NTNG1: variants seen among roughly 807,000 people sequenced by gnomAD.
The protein encoded by NTNG1 is netrin-G1.
Under a neutral mutation model 54.0 loss-of-function variants are expected in NTNG1, and 16 were observed. The ratio of observed to expected loss-of-function variants is 0.30; its 90% CI spans 0.20 to 0.45. The LOEUF is 0.45. Among genes scored for constraint, NTNG1 ranks in the 20% least tolerant of loss-of-function variants. The pLI, the probability that NTNG1 is intolerant of heterozygous loss-of-function variation, is 1.00. For synonymous variants in NTNG1, 255 were observed against 263.1 expected (o/e 0.97, Z 0.30); for missense variants, 530 against 678.7 (o/e 0.78, Z 2.43).
chr1:107,438,337 C>T (rs1433165032), intron 7 of NTNG1, among the ~76,000 whole-genome samples: 1 of 152,182 alleles, frequency 6.6e-6, no homozygotes, highest in Non-Finnish European at 1.5e-5. Flanking sequence ...TCAGGCCTCA[C>T]ACCTGTATAT....
At chr1:107,164,845 A>G (rs954263884) in intron 2 of NTNG1, among the ~76,000 whole-genome samples, 3 of 152,218 alleles carry the variant, frequency 2.0e-5, no homozygotes, top group African/African-American at 7.2e-5. Context: ...TTTTACTTCT[A>G]TAGAAGGGTG....
intron 2 of NTNG1, among the ~76,000 whole-genome samples, chr1:107,196,731 G>T (rs1658362703): frequency 6.6e-6 from 1 of 151,950 alleles, no homozygotes; most frequent in Non-Finnish European, 1.5e-5. Flanking sequence ...AACTAAGTAT[G>T]TTGGGTAGAA....
chr1:107,353,573 C>G (rs1192068698), intron 3 of NTNG1, among the ~76,000 whole-genome samples: 2 of 152,112 alleles, frequency 1.3e-5, no homozygotes, highest in African/African-American at 4.8e-5. Flanking sequence ...TCCAAACTTT[C>G]CCTCATCTTC....
chr1:107,455,781 T>C (rs1244657752), intron 7 of NTNG1, among the ~76,000 whole-genome samples: 1 of 152,206 alleles, frequency 6.6e-6, no homozygotes, highest in African/African-American at 2.4e-5. Context: ...AGGCTGCCTC[T>C]GTTGCCCCGG....
chr1:107,415,166 A>C (rs923413743), intron 5 of NTNG1, among the ~76,000 whole-genome samples: 4 of 152,158 alleles, frequency 2.6e-5, no homozygotes, highest in African/African-American at 9.7e-5. Context: ...CTTAAGAAGA[A>C]GTGATTTCCA....
chr1:107,186,161 C>T (rs1026491409), intron 2 of NTNG1, among the ~76,000 whole-genome samples: 5 of 152,148 alleles, frequency 3.3e-5, no homozygotes, highest in African/African-American at 1.2e-4. Flanking sequence ...ATAATGGCCT[C>T]CAGTTCCATC....
chr1:107,210,788 C>G (rs1378178917), intron 2 of NTNG1, among the ~76,000 whole-genome samples: 1 of 152,134 alleles, frequency 6.6e-6, no homozygotes, highest in Non-Finnish European at 1.5e-5. Context: ...TTTGGCCTCC[C>G]TGTGCCTCTT....
At position 107,368,438 on chromosome 1, in the gene NTNG1, G is replaced by A. The variant is rs536772343; in HGVS notation, c.888-26716G>A. On this transcript the variant is annotated intron_variant, in intron 3 of 7. Transcript: ENST00000370068. ...TTGCTTTCCTCATTTTACAGATAGG[G>A]AAACTGAGAAGGAGAGAAGTTGACT... 5.3e-5 allele frequency among the ~76,000 whole-genome samples: 8 copies of A among 152,210 alleles called. No individual in the cohort carries two copies. The South Asian group carries it at 1.7e-3, about 32-fold the overall frequency.
intron 3 of NTNG1, among the ~76,000 whole-genome samples, chr1:107,350,417 T>G (rs1481474700): frequency 1.3e-5 from 2 of 152,198 alleles, no homozygotes; most frequent in South Asian, 2.1e-4. Context: ...TTATGATGAT[T>G]ATGTTTTTGT....
At chr1:107,238,319 T>C (rs1350610588) in intron 2 of NTNG1, among the ~76,000 whole-genome samples, 1 of 152,180 alleles carries the variant, frequency 6.6e-6, no homozygotes, top group East Asian at 1.9e-4. Flanking sequence ...ATTACCCCCA[T>C]TGTATCTAGG....
intron 2 of NTNG1, among the ~76,000 whole-genome samples, chr1:107,225,134 G>A (rs1283463980): frequency 6.6e-6 from 1 of 152,114 alleles, no homozygotes; most frequent in Non-Finnish European, 1.5e-5. Context: ...TCCAAGGAAA[G>A]ATATTAATTT....
chr1:107,144,184 T>A (rs998368875), intron 1 of NTNG1, among the ~76,000 whole-genome samples: 4 of 152,176 alleles, frequency 2.6e-5, no homozygotes, highest in African/African-American at 7.2e-5. Context: ...AATTTCATTA[T>A]GACTGTTGGA....
chr1:107,225,567 C>T (rs1372053074), intron 2 of NTNG1, among the ~76,000 whole-genome samples: 1 of 152,136 alleles, frequency 6.6e-6, no homozygotes, highest in Non-Finnish European at 1.5e-5. Context: ...GATACATAAC[C>T]TCTATAAACC....
At chr1:107,192,276 T>C (rs1374048114) in intron 2 of NTNG1, among the ~76,000 whole-genome samples, 1 of 152,086 alleles carries the variant, frequency 6.6e-6, no homozygotes, top group African/African-American at 2.4e-5. Flanking sequence ...CTCTACTTGC[T>C]CTGTGCCCCT....
At chr1:107,451,777 C>T (rs796184240) in intron 7 of NTNG1, among the ~76,000 whole-genome samples, 5 of 152,228 alleles carry the variant, frequency 3.3e-5, no homozygotes, top group African/African-American at 9.6e-5. Context: ...AATCCTGCAA[C>T]ATCATAGGTA....
intron 3 of NTNG1, among the ~76,000 whole-genome samples, chr1:107,375,631 A>C (rs1557944870): frequency 6.6e-6 from 1 of 152,202 alleles, no homozygotes; most frequent in African/African-American, 2.4e-5. Context: ...TTTAGTCAAG[A>C]ATGTTGACTT....
intron 2 of NTNG1, among the ~76,000 whole-genome samples, chr1:107,275,361 C>T (rs865850708): frequency 2.0e-5 from 3 of 151,660 alleles, no homozygotes; most frequent in Admixed American, 1.3e-4. Flanking sequence ...TAGGTGACAG[C>T]GAGACTCCGT....
rs577255487 is a variant in NTNG1 at position 107,480,861 on chromosome 1, G to C, written c.*21G>C. ...TCTAGGTGTCACCTCCAGCCACACC[G>C]GACGGGCCTGTGCCGTGGGGAAGCA... On this transcript the variant is annotated 3_prime_UTR_variant, in exon 8 of 8. Transcript: ENST00000370068. 2 of 1,532,740 alleles carry C rather than the reference G, an allele frequency of 1.3e-6. No individual in the cohort carries two copies. Among genetic ancestry groups the C allele is most frequent in the South Asian group, 1.2e-5 (1 of 83,712 alleles). The allele number at this position is 1,532,740 out of a possible 1,614,324, so 94.9% of individuals were successfully genotyped here.
intron 3 of NTNG1, among the ~76,000 whole-genome samples, chr1:107,327,410 T>C (rs776577547): frequency 1.3e-5 from 2 of 152,170 alleles, no homozygotes; most frequent in Non-Finnish European, 2.9e-5. Context: ...GCATAGAAGC[T>C]GATCTAATTA....
Sources: allele counts gnomAD v4.1 joint callset (sites outside exome capture counted in the v4.1 genomes callset), GRCh38; gene constraint gnomAD v4.1.1; transcripts MANE v1.5; gene names NCBI Gene and HGNC (gene_info 2026-07-23, HGNC 2026-07-21).